Variants in EPC1 observed in about 807,000 individuals in gnomAD.
EPC1 encodes the protein enhancer of polycomb 1, also known as enhancer of polycomb homolog 1.
A neutral mutation model predicts 98.4 loss-of-function variants in EPC1; 12 were observed. The ratio of observed to expected loss-of-function variants is 0.12; its 90% CI spans 0.08 to 0.20. The LOEUF (loss-of-function observed/expected upper bound fraction) is 0.20. Among genes scored for constraint, EPC1 ranks in the 10% least tolerant of loss-of-function variants. The pLI is 1.00. For synonymous variants in EPC1, 357 were observed against 363.9 expected (o/e 0.98, Z 0.21); for missense variants, 729 against 990.5 (o/e 0.74, Z 3.54).
At chr10:32,368,917 CTTTG>C (rs1175013020) in intron 1 of EPC1, among the ~76,000 whole-genome samples, 2 of 152,142 alleles carry the variant, frequency 1.3e-5, no homozygotes, top group Non-Finnish European at 1.5e-5. Context: ...AGTAATATTA[CTTTG>C]TTTGATAGAA....
chr10:32,285,097 A>G, intron 9 of EPC1, 47 bp from the exon 10 acceptor site: 2 of 1,455,098 alleles, frequency 1.4e-6, no homozygotes, highest in East Asian at 2.3e-5. Context: ...TAGCTATTCA[A>G]AGATTATATA....
chr10:32,283,693 T>C (rs550183556), intron 10 of EPC1: 6 of 152,338 alleles, frequency 3.9e-5, no homozygotes, highest in African/African-American at 1.4e-4. Context: ...AAAACATGTA[T>C]GTTTGGACTG....
In EPC1 at chr10:32,301,682, G is replaced by C. The variant is rs79699458; in HGVS notation, c.313+4090C>G. 4.4e-3 allele frequency among the ~76,000 whole-genome samples: 672 copies of C among 152,260 alleles called. 6 individuals are homozygous for C. Among genetic ancestry groups the C allele is most frequent in the African/African-American group, 0.016 (653 of 41,558 alleles). On this transcript the variant is annotated intron_variant, in intron 2 of 13. Coordinates refer to ENST00000319778, the MANE Select transcript of EPC1 (RefSeq NM_001272004.3). ...AGCAAAAGCAATTCAATAGAGGAAGGAAAGCTTTTTAAACAAATGATGCTG... is the reference window on the plus strand; with the variant it reads ...AGCAAAAGCAATTCAATAGAGGAAGCAAAGCTTTTTAAACAAATGATGCTG...
intron 2 of EPC1, among the ~76,000 whole-genome samples, chr10:32,298,406 T>C (rs891914551): frequency 3.3e-5 from 5 of 152,172 alleles, no homozygotes; most frequent in African/African-American, 1.2e-4. Context: ...AGGAACAGAA[T>C]ATACACCCTG....
At chr10:32,338,353 A>C (rs975608673) in intron 1 of EPC1, among the ~76,000 whole-genome samples, 6 of 151,966 alleles carry the variant, frequency 3.9e-5, no homozygotes, top group East Asian at 3.9e-4. Context: ...ACTAGCACCA[A>C]CCCTACTTAA....
upstream of EPC1, among the ~76,000 whole-genome samples, chr10:32,352,042 ATTT>A (rs35657158): frequency 2.3e-3 from 219 of 93,454 alleles, 3 homozygotes; most frequent in African/African-American, 8.6e-3. Context: ...AGCCATATTG[ATTT>A]TTTTTTTTTT....
chr10:32,301,356 C>T (rs1835531200), intron 2 of EPC1, among the ~76,000 whole-genome samples: 1 of 152,152 alleles, frequency 6.6e-6, no homozygotes, highest in Non-Finnish European at 1.5e-5. Flanking sequence ...TGTCAGTTCT[C>T]TCTAAATTGA....
chr10:32,284,060 A>C (rs1836538343), intron 10 of EPC1: 1 of 152,232 alleles, frequency 6.6e-6, no homozygotes, highest in South Asian at 2.1e-4. Context: ...AATTTCTACA[A>C]TATATAGGCT....
chr10:32,333,860 C>T (rs1837791990), intron 1 of EPC1, among the ~76,000 whole-genome samples: 1 of 152,146 alleles, frequency 6.6e-6, no homozygotes, highest in African/African-American at 2.4e-5. Flanking sequence ...AATAGATTGA[C>T]CCCAAAAGGA....
chr10:32,316,553 A>G (rs1836558711), intron 1 of EPC1, among the ~76,000 whole-genome samples: 2 of 152,242 alleles, frequency 1.3e-5, no homozygotes, highest in South Asian at 4.1e-4. Context: ...CATAGGGAGT[A>G]AAAATAGCTT....
chr10:32,302,065 A>T (rs1397965494), intron 2 of EPC1, among the ~76,000 whole-genome samples: 1 of 150,508 alleles, frequency 6.6e-6, no homozygotes, highest in African/African-American at 2.4e-5. Flanking sequence ...CGAGGTCAGG[A>T]GATCGAGACC....
At chr10:32,296,849 G>C (rs1012483279) in intron 2 of EPC1, among the ~76,000 whole-genome samples, 1 of 151,852 alleles carries the variant, frequency 6.6e-6, no homozygotes, top group Admixed American at 6.6e-5. Context: ...GGAGGTTGCA[G>C]TGAGCTGAGA....
chr10:32,367,008 T>G (rs998375306), intron 1 of EPC1, among the ~76,000 whole-genome samples: 2 of 144,652 alleles, frequency 1.4e-5, no homozygotes, highest in African/African-American at 2.9e-5. Context: ...GTATTTTTAA[T>G]TTTTTGAGAA....
rs369081279 is a variant in EPC1 at position 32,272,132 on chromosome 10, T to C, written c.1899A>G (p.Ala633=). The change falls in exon 12 of 14, where the codon GCA becomes GCG. Residue 633 remains alanine (A), a synonymous_variant. Transcript: ENST00000319778. ...FVSKTLDSAS[A]QFAASALVTS... is the part of the protein sequence containing the mutation. The stretch of plus-strand genomic sequence containing the variant: ...TCACCAAAGCAGAAGCAGCAAACTG[T>C]GCACTAGCAGAATCCAAAGTCTTAG... The C allele has an allele frequency of 8.7e-6, 14 of 1,613,086 alleles. No homozygotes were observed. Among genetic ancestry groups the C allele is most frequent in the Non-Finnish European group, 1.2e-5 (14 of 1,179,788 alleles).
chr10:32,269,435 T>C (rs1835731441), intron 13 of EPC1: 1 of 294,072 alleles, frequency 3.4e-6, no homozygotes, highest in Admixed American at 4.8e-5. Context: ...TTCAAGTTCC[T>C]TCTCTATTAA....
At chr10:32,308,025 TTTTG>T (rs1435287308) in intron 1 of EPC1, among the ~76,000 whole-genome samples, 1 of 152,240 alleles carries the variant, frequency 6.6e-6, no homozygotes, top group African/African-American at 2.4e-5. Flanking sequence ...CATTCGTTTA[TTTTG>T]TTTAACTAGT....
chr10:32,286,628 A>T, intron 9 of EPC1, 66 bp downstream of exon 9: 2 of 1,567,582 alleles, frequency 1.3e-6, no homozygotes, highest in Non-Finnish European at 8.7e-7. Flanking sequence ...ACCTGACTTT[A>T]AAAGTTAGAT....
chr10:32,272,209 G>T (rs548614854), intron 11 of EPC1, 42 bp from the exon 12 acceptor site: 24 of 1,512,502 alleles, frequency 1.6e-5, no homozygotes, highest in South Asian at 9.0e-5. Flanking sequence ...GTATCACTTA[G>T]TATCAAATCA....
At chr10:32,305,516 T>C (rs76775275) in intron 2 of EPC1, among the ~76,000 whole-genome samples, 1 of 145,424 alleles carries the variant, frequency 6.9e-6, no homozygotes, top group Non-Finnish European at 1.5e-5. Flanking sequence ...TTTTTTTTTT[T>C]CTTATCCTTC....
Sources: allele counts gnomAD v4.1 joint callset (sites outside exome capture counted in the v4.1 genomes callset), GRCh38; gene constraint gnomAD v4.1.1; transcripts MANE v1.5; gene names NCBI Gene and HGNC (gene_info 2026-07-23, HGNC 2026-07-21).